AMOTL1: variants seen among roughly 807,000 people sequenced by gnomAD.
AMOTL1 encodes the protein angiomotin-like protein 1.
In AMOTL1, 45 loss-of-function variants were observed where a neutral mutation model predicts 102.9. The ratio of observed to expected loss-of-function variants is 0.44; its 90% confidence interval spans 0.34 to 0.56. AMOTL1 has a LOEUF of 0.56. Among genes scored for constraint, AMOTL1 ranks in the 20% least tolerant of loss-of-function variants. The pLI, the probability that AMOTL1 is intolerant of heterozygous loss-of-function variation, is 0.01. For missense variants in AMOTL1, 1,114 were observed against 1,225.6 expected (o/e 0.91, Z 1.36); for synonymous variants, 481 against 484.7 (o/e 0.99, Z 0.10).
At position 94,870,845 on chromosome 11, in the gene AMOTL1, CG is replaced by C. The variant is rs1565391239; in HGVS notation, c.*52del. ...ACAGAACACTGACAAACAAGGAAAG[CG>C]GCAGAGAAAGAAGAAAGACCTAGAA... On this transcript the variant is annotated 3_prime_UTR_variant, in exon 13 of 13. Transcript: ENST00000433060. 1.4e-6 allele frequency: 2 copies of C among 1,459,190 alleles called. No homozygotes were observed. Among genetic ancestry groups the C allele is most frequent in the East Asian group, 4.9e-5 (2 of 40,492 alleles). 90.4% of individuals were successfully genotyped at this position (1,459,190 alleles called of 1,614,324 possible). A position where few individuals can be genotyped will look rare whatever the true frequency, so the allele number is the denominator to read the frequency against.
chr11:94,745,874 A>T (rs1950584326), intron 3 of AMOTL1, among the ~76,000 whole-genome samples: 1 of 152,170 alleles, frequency 6.6e-6, no homozygotes, highest in Admixed American at 6.5e-5. Flanking sequence ...CTTCTCTACA[A>T]CTTACCTAGT....
intron 3 of AMOTL1, among the ~76,000 whole-genome samples, chr11:94,743,302 A>G (rs1950550676): frequency 6.6e-6 from 1 of 152,210 alleles, no homozygotes; most frequent in African/African-American, 2.4e-5. Flanking sequence ...GGAGGCCTAT[A>G]GCCATTGGGT....
Position 94,850,223 on chromosome 11 carries a change from C to T in AMOTL1, c.1758C>T (p.Ser586=), listed in dbSNP as rs780220610. 5 of 1,595,644 alleles carry T rather than the reference C, an allele frequency of 3.1e-6. No homozygotes were observed. The Admixed American group carries it at 5.2e-5, about 17-fold the overall frequency. ...TCGAGATCCTGGACCAGGCTTTGAG[C>T]AACGCCCAGGCCAGGGTCATCAAGC... is the stretch of plus-strand genomic sequence containing the variant. ...RHIEILDQAL[S]NAQARVIKLE... is the part of the protein sequence containing the mutation. Residue 586 remains serine (S), a synonymous_variant, in exon 7 of 13, where the codon AGC becomes AGT. Transcript: ENST00000433060.
rs374501414 is a variant in AMOTL1, at chr11:94,782,220, T to G, written c.50-12791T>G. 1.2e-4 allele frequency among the ~76,000 whole-genome samples: 18 copies of G among 152,330 alleles called. 1 individual carries two copies. Among genetic ancestry groups the G allele is most frequent in the African/African-American group, 3.4e-4 (14 of 41,574 alleles). ...TTCTGGCTTGGGCATTTGGTAGATATTTTCTCCAAAATAAATAAAGGGAAC... is the reference window on the plus strand; with the variant it reads ...TTCTGGCTTGGGCATTTGGTAGATAGTTTCTCCAAAATAAATAAAGGGAAC... On this transcript the variant is annotated intron_variant, in intron 1 of 12. Coordinates refer to ENST00000433060, the MANE Select transcript of AMOTL1 (RefSeq NM_130847.3).
chr11:94,850,549 A>AT (rs1952514369), intron 7 of AMOTL1, among the ~76,000 whole-genome samples: 1 of 152,268 alleles, frequency 6.6e-6, no homozygotes, highest in African/African-American at 2.4e-5. Context: ...CTCAGTCATC[A>AT]TGCATTGCAT....
At chr11:94,716,320 C>T (rs1247706449) in intron 1 of AMOTL1, among the ~76,000 whole-genome samples, 2 of 152,058 alleles carry the variant, frequency 1.3e-5, no homozygotes, top group African/African-American at 2.4e-5. Context: ...TCAGATAATT[C>T]CAACATCTGA....
In AMOTL1 at chr11:94,752,626, A is replaced by T. The variant is rs1273392196; in HGVS notation, c.136+11638A>T. The stretch of plus-strand genomic sequence containing the variant: ...TTGTACCCCCAAATCTAGAGTGGAC[A>T]AGATTACTGATCACCTGATGGTAAG... On this transcript the variant is annotated intron_variant, in intron 3 of 4. Coordinates refer to the AMOTL1 transcript ENST00000299004. 2.0e-5 allele frequency among the ~76,000 whole-genome samples: 3 copies of T among 152,354 alleles called. No individual in the cohort carries two copies. In the East Asian group the frequency reaches 5.8e-4, roughly 29 times the overall value.
chr11:94,813,019 G>A (rs1382605117), intron 3 of AMOTL1, among the ~76,000 whole-genome samples: 1 of 152,220 alleles, frequency 6.6e-6, no homozygotes, highest in African/African-American at 2.4e-5. Context: ...GCCATCCATA[G>A]CGAAAGCTCT....
chr11:94,751,286 G>A (rs1299414569), intron 3 of AMOTL1, among the ~76,000 whole-genome samples: 1 of 151,870 alleles, frequency 6.6e-6, no homozygotes, highest in Non-Finnish European at 1.5e-5. Flanking sequence ...ATATTGATCT[G>A]AAACAACAAC....
At chr11:94,835,475 G>A (rs906185396) in intron 6 of AMOTL1, among the ~76,000 whole-genome samples, 3 of 152,182 alleles carry the variant, frequency 2.0e-5, no homozygotes, top group South Asian at 2.1e-4. Context: ...AATGGATAGC[G>A]CTGCAGAATT....
chr11:94,794,965 G>C, intron 1 of AMOTL1, 46 bp from the exon 2 acceptor site: 1 of 1,552,198 alleles, frequency 6.4e-7, no homozygotes, highest in Non-Finnish European at 8.7e-7. Flanking sequence ...AGGAAGGAAG[G>C]AGGACTTGAT....
chr11:94,768,622 A>C, intron 1 of AMOTL1, 62 bp downstream of exon 1: 2 of 1,554,144 alleles, frequency 1.3e-6, no homozygotes, highest in Non-Finnish European at 8.7e-7. Context: ...CGAAGAACCC[A>C]GTCGCCCCGG....
intron 1 of AMOTL1, among the ~76,000 whole-genome samples, chr11:94,790,774 G>A (rs767197541): frequency 1.3e-5 from 2 of 152,124 alleles, no homozygotes; most frequent in Non-Finnish European, 1.5e-5. Flanking sequence ...ACAGTTTCAC[G>A]TCCTCCAGGG....
chr11:94,734,725 C>T (rs1950410502), intron 2 of AMOTL1, among the ~76,000 whole-genome samples: 1 of 152,090 alleles, frequency 6.6e-6, no homozygotes, highest in Non-Finnish European at 1.5e-5. Context: ...AGCAGAGGGC[C>T]TCCAGGAGAG....
At chr11:94,828,363 C>G (rs1952006699) in intron 4 of AMOTL1, among the ~76,000 whole-genome samples, 1 of 152,088 alleles carries the variant, frequency 6.6e-6, no homozygotes, top group African/African-American at 2.4e-5. Context: ...AGCTTTTTAC[C>G]TGGATATCTC....
chr11:94,844,174 A>G (rs1162864669), intron 6 of AMOTL1, among the ~76,000 whole-genome samples: 4 of 152,160 alleles, frequency 2.6e-5, no homozygotes, highest in Non-Finnish European at 4.4e-5. Flanking sequence ...CCCACATCCA[A>G]GAACCTTCCT....
intron 1 of AMOTL1, among the ~76,000 whole-genome samples, chr11:94,715,122 C>A (rs1591882944): frequency 6.6e-6 from 1 of 152,214 alleles, no homozygotes; most frequent in Admixed American, 6.6e-5. Flanking sequence ...TCTCATTTAC[C>A]TATGGCTTAT....
At chr11:94,748,202 T>C (rs1202815391) in intron 3 of AMOTL1, among the ~76,000 whole-genome samples, 1 of 152,232 alleles carries the variant, frequency 6.6e-6, no homozygotes, top group Non-Finnish European at 1.5e-5. Context: ...ACTTAGAGCA[T>C]GAACAGTCCA....
intron 1 of AMOTL1, among the ~76,000 whole-genome samples, chr11:94,707,274 G>T (rs1178487707): frequency 6.6e-6 from 1 of 151,692 alleles, no homozygotes; most frequent in African/African-American, 2.4e-5. Flanking sequence ...GTGTGTGTGT[G>T]TGTGTGTGTG....
Sources: gnomAD v4.1 joint callset for allele counts (sites outside exome capture counted in the v4.1 genomes callset) on GRCh38, gnomAD v4.1.1 for gene constraint, MANE v1.5 for transcripts, NCBI Gene and HGNC (gene_info 2026-07-23, HGNC 2026-07-21) for gene names.